ANO2: variants seen among roughly 807,000 people sequenced by gnomAD.
The protein encoded by ANO2 is anoctamin-2.
Under a neutral mutation model 124.2 loss-of-function variants are expected in ANO2, and 101 were observed. That is an observed-to-expected ratio of 0.81 (90% CI 0.69 to 0.96). The LOEUF (loss-of-function observed/expected upper bound fraction) is 0.96, where lower values mean the gene tolerates loss of function less well. ANO2 is among the 40% of genes least tolerant of loss of function. The probability of loss-of-function intolerance (pLI) is 0.00; values close to 1 mark genes in which losing one functional copy is unlikely to be tolerated. For synonymous variants in ANO2, 486 were observed against 482.5 expected, an observed-to-expected ratio of 1.01 and a Z score of -0.09; for missense variants, 1,293 against 1,274.5, an observed-to-expected ratio of 1.01 and a Z score of -0.22.
chr12:5,647,876 A>C, intron 14 of ANO2, 75 bp from the exon 15 acceptor site: 1 of 1,093,886 alleles, frequency 9.1e-7, no homozygotes, highest in South Asian at 1.3e-5. Flanking sequence ...ATTTGCATAT[A>C]TTTGCATGCG....
chr12:5,565,234 T>C (rs1293057525), intron 24 of ANO2, among the ~76,000 whole-genome samples: 1 of 152,154 alleles, frequency 6.6e-6, no homozygotes, highest in Non-Finnish European at 1.5e-5. Flanking sequence ...AGGCTGGGAC[T>C]CTGGTTTCAA....
chr12:5,823,905 G>A (rs1051161349), intron 7 of ANO2, among the ~76,000 whole-genome samples: 1 of 152,194 alleles, frequency 6.6e-6, no homozygotes, highest in African/African-American at 2.4e-5. Context: ...CTGTGCACCT[G>A]CAGGCTCAAC....
At chr12:5,815,802 T>A (rs1217681095) in intron 7 of ANO2, among the ~76,000 whole-genome samples, 1 of 152,192 alleles carries the variant, frequency 6.6e-6, no homozygotes, top group Non-Finnish European at 1.5e-5. Flanking sequence ...ATTGTTTTTC[T>A]TGTAAGCTAC....
intron 14 of ANO2, among the ~76,000 whole-genome samples, chr12:5,650,875 A>G (rs890205968): frequency 4.6e-5 from 7 of 152,212 alleles, no homozygotes; most frequent in Non-Finnish European, 8.8e-5. Context: ...GATCTATCAC[A>G]CCAAATTGCC....
At chr12:5,853,879 C>A (rs1007904260) in intron 4 of ANO2, among the ~76,000 whole-genome samples, 164 bp downstream of exon 4, 1 of 125,238 alleles carries the variant, frequency 8.0e-6, no homozygotes, top group Non-Finnish European at 1.7e-5. Flanking sequence ...CCGTCCCCGT[C>A]CCCGTCCCCA....
At chr12:5,602,619 A>T (rs1259177388) in intron 19 of ANO2, among the ~76,000 whole-genome samples, 1 of 152,166 alleles carries the variant, frequency 6.6e-6, no homozygotes, top group African/African-American at 2.4e-5. Context: ...GTGCAAAAGA[A>T]ATAAAAGAAA....
intron 4 of ANO2, among the ~76,000 whole-genome samples, chr12:5,841,902 C>T (rs1954526897): frequency 1.3e-5 from 2 of 152,156 alleles, no homozygotes; most frequent in African/African-American, 2.4e-5. Context: ...CAAGATCTCA[C>T]TCTGTCACCC....
At chr12:5,842,413 G>A (rs140062683) in intron 4 of ANO2, among the ~76,000 whole-genome samples, 2 of 152,268 alleles carry the variant, frequency 1.3e-5, no homozygotes, top group African/African-American at 4.8e-5. Flanking sequence ...CTTTAGCAAA[G>A]GACGCAGATC....
At chr12:5,894,991 T>C (rs1939674543) in intron 3 of ANO2, among the ~76,000 whole-genome samples, 1 of 152,222 alleles carries the variant, frequency 6.6e-6, no homozygotes, top group South Asian at 2.1e-4. Flanking sequence ...TTTGGTTCCA[T>C]ATGAAATTTA....
chr12:5,934,917 G>T (rs961772523), intron 1 of ANO2, among the ~76,000 whole-genome samples: 15 of 152,076 alleles, frequency 9.9e-5, no homozygotes, highest in Admixed American at 7.2e-4. Flanking sequence ...AAATGGACTG[G>T]GACTGAGGTT....
chr12:5,588,706 A>C (rs1458767766), intron 20 of ANO2, among the ~76,000 whole-genome samples: 2 of 152,216 alleles, frequency 1.3e-5, no homozygotes, highest in Non-Finnish European at 2.9e-5. Flanking sequence ...TAAGAAAGTG[A>C]GGGTGGCACT....
chr12:5,842,280 C>A (rs1267856587), intron 4 of ANO2, among the ~76,000 whole-genome samples: 1 of 152,130 alleles, frequency 6.6e-6, no homozygotes, highest in Non-Finnish European at 1.5e-5. Context: ...CAGCCCTCAG[C>A]AAAGTACCTG....
intron 23 of ANO2, among the ~76,000 whole-genome samples, chr12:5,566,984 CAA>C: frequency 6.6e-6 from 1 of 152,102 alleles, no homozygotes; most frequent in Non-Finnish European, 1.5e-5. Flanking sequence ...TTCCATTGTC[CAA>C]AGAGAGATGA....
chr12:5,782,094 A>G (rs941870450), intron 10 of ANO2, among the ~76,000 whole-genome samples: 2 of 152,192 alleles, frequency 1.3e-5, no homozygotes, highest in African/African-American at 4.8e-5. Flanking sequence ...CGTTTTGTCA[A>G]CTACTGCTCC....
intron 14 of ANO2, among the ~76,000 whole-genome samples, chr12:5,713,118 C>G (rs779412565): frequency 6.6e-6 from 1 of 152,142 alleles, no homozygotes; most frequent in Non-Finnish European, 1.5e-5. Context: ...TAGAGGGTCA[C>G]TGAAGTAGGC....
In ANO2 at chr12:5,564,863, C is replaced by T. The variant is rs543353874; in HGVS notation, c.2727+695G>A. Among the ~76,000 whole-genome samples, 25 of 152,262 alleles carry T rather than the reference C, an allele frequency of 1.6e-4. No homozygotes were observed. The East Asian group carries it at 4.4e-3, about 27-fold the overall frequency. On this transcript the variant is annotated intron_variant, in intron 24 of 24. Transcript: ENST00000682330. Reference sequence around the variant, plus strand: ...TGGGGGCAGGATACTTTAGAGCCCCCCAGAGATCTGCCTTCAGGGAATACA... The same window carrying T: ...TGGGGGCAGGATACTTTAGAGCCCCTCAGAGATCTGCCTTCAGGGAATACA...
At chr12:5,619,152 C>G (rs1944981945) in intron 16 of ANO2, among the ~76,000 whole-genome samples, 1 of 152,128 alleles carries the variant, frequency 6.6e-6, no homozygotes, top group African/African-American at 2.4e-5. Context: ...TCTAATGTGT[C>G]CAAGGCTTGA....
chr12:5,902,426 A>C (rs918665460), intron 3 of ANO2, among the ~76,000 whole-genome samples: 7 of 150,716 alleles, frequency 4.6e-5, no homozygotes, highest in African/African-American at 1.7e-4. Flanking sequence ...TCTCTACAAA[A>C]GAAAAATTTA....
intron 15 of ANO2, among the ~76,000 whole-genome samples, chr12:5,638,631 C>T (rs1946169002): frequency 6.6e-6 from 1 of 151,726 alleles, no homozygotes; most frequent in Admixed American, 6.6e-5. Context: ...TGTGGTCAAT[C>T]TCTTCCAACT....
Sources: gnomAD v4.1 joint callset for allele counts (sites outside exome capture counted in the v4.1 genomes callset) on GRCh38, gnomAD v4.1.1 for gene constraint, MANE v1.5 for transcripts, NCBI Gene and HGNC (gene_info 2026-07-23, HGNC 2026-07-21) for gene names.